GABBR2: variants seen among roughly 807,000 people sequenced by gnomAD.
The protein encoded by GABBR2 is G-protein coupled receptor 51.
Under a neutral mutation model 105.6 loss-of-function variants are expected in GABBR2, and 23 were observed. The ratio of observed to expected loss-of-function variants is 0.22; its 90% confidence interval spans 0.16 to 0.31. The LOEUF is 0.31. Ranked by LOEUF, GABBR2 falls within the 10% of genes least tolerant of loss-of-function variation. The pLI is 1.00. For missense variants in GABBR2, 734 were observed against 1,245.5 expected, an observed-to-expected ratio of 0.59 and a Z score of 6.18; for synonymous variants, 478 against 499.7, an observed-to-expected ratio of 0.96 and a Z score of 0.58.
chr9:98,571,956 C>T (rs1372135656), intron 2 of GABBR2, among the ~76,000 whole-genome samples: 1 of 152,208 alleles, frequency 6.6e-6, no homozygotes, highest in South Asian at 2.1e-4. Context: ...CCTCCCTCCT[C>T]CCCAGTGCCC....
chr9:98,560,380 C>A (rs527886978), intron 2 of GABBR2, among the ~76,000 whole-genome samples: 1 of 151,308 alleles, frequency 6.6e-6, no homozygotes, highest in East Asian at 2.0e-4. Context: ...ACCCAGCACA[C>A]GTGCGTGTGC....
intron 7 of GABBR2, among the ~76,000 whole-genome samples, chr9:98,415,533 G>C (rs79497779): frequency 0.032 from 4,920 of 152,254 alleles, 98 homozygotes; most frequent in Middle Eastern, 0.11. Context: ...GGGAAGCTGG[G>C]GCAAGCGCCT....
In GABBR2 at chr9:98,630,123, C is replaced by T. The variant is rs184955973; in HGVS notation, c.322-52051G>A. ...ATGAATTTCTGTATGGTTTATGTCA[C>T]TCTGCATGGCTCTTCTATTACTGAC... On this transcript the variant is annotated intron_variant, in intron 1 of 18. Transcript: ENST00000259455. Among the ~76,000 whole-genome samples, 6 of 152,250 alleles carry T rather than the reference C, an allele frequency of 3.9e-5. No homozygotes were observed. In the East Asian group the frequency reaches 1.2e-3, roughly 29 times the overall value.
chr9:98,379,895 A>T (rs1182976821), intron 11 of GABBR2, among the ~76,000 whole-genome samples: 1 of 152,244 alleles, frequency 6.6e-6, no homozygotes, highest in East Asian at 1.9e-4. Context: ...ATCTTAATTT[A>T]AAAAAATCTG....
At chr9:98,336,771 G>A (rs942298020) in intron 13 of GABBR2, among the ~76,000 whole-genome samples, 5 of 151,876 alleles carry the variant, frequency 3.3e-5, no homozygotes, top group Non-Finnish European at 4.4e-5. Flanking sequence ...ACATAAAATG[G>A]ATTAAACACT....
chr9:98,698,012 A>G (rs763721865), intron 1 of GABBR2, among the ~76,000 whole-genome samples: 3 of 152,266 alleles, frequency 2.0e-5, no homozygotes, highest in African/African-American at 7.2e-5. Flanking sequence ...GATGATTATT[A>G]TAAGTATGGC....
chr9:98,418,574 A>C (rs77685167), intron 7 of GABBR2, among the ~76,000 whole-genome samples: 1 of 152,132 alleles, frequency 6.6e-6, no homozygotes, highest in African/African-American at 2.4e-5. Context: ...AAAAATCCAA[A>C]AAACAAAAAA....
chr9:98,369,148 C>T (rs1354653918), intron 12 of GABBR2, among the ~76,000 whole-genome samples: 1 of 152,210 alleles, frequency 6.6e-6, no homozygotes. Context: ...CTGAGGAACA[C>T]TGGGGTGGCC....
chr9:98,396,530 G>A (rs977624261), intron 8 of GABBR2, among the ~76,000 whole-genome samples: 1 of 152,138 alleles, frequency 6.6e-6, no homozygotes, highest in Non-Finnish European at 1.5e-5. Context: ...GCCATTTAGG[G>A]GGCATCACAC....
In GABBR2 at chr9:98,708,034, C is replaced by T. The variant is rs536652446; in HGVS notation, c.321+383G>A. Among the ~76,000 whole-genome samples the T allele has an allele frequency of 3.3e-5, 5 of 152,354 alleles. No individual in the cohort carries two copies. In the South Asian group the frequency reaches 1.0e-3, roughly 32 times the overall value. On this transcript the variant is annotated intron_variant, in intron 1 of 18. Transcript: ENST00000259455. ...CAGTTTGCAGTCAATGCGCCTGTTCCTCCCACTCGGTACCTCGCAGCCCCA... is the reference window on the plus strand; with the variant it reads ...CAGTTTGCAGTCAATGCGCCTGTTCTTCCCACTCGGTACCTCGCAGCCCCA...
intron 1 of GABBR2, among the ~76,000 whole-genome samples, chr9:98,626,832 G>A (rs1829743710): frequency 1.3e-5 from 2 of 152,114 alleles, no homozygotes; most frequent in Admixed American, 6.5e-5. Context: ...GTCAGTCAAC[G>A]AGCACTAATT....
At chr9:98,701,569 A>G (rs1331243103) in intron 1 of GABBR2, among the ~76,000 whole-genome samples, 1 of 151,994 alleles carries the variant, frequency 6.6e-6, no homozygotes, top group Non-Finnish European at 1.5e-5. Context: ...GAATCGATGC[A>G]CCTCCAGTTC....
chr9:98,368,583 A>G (rs543186509), intron 12 of GABBR2, among the ~76,000 whole-genome samples: 2 of 152,286 alleles, frequency 1.3e-5, no homozygotes, highest in African/African-American at 4.8e-5. Context: ...CGTTTTCCCA[A>G]TATGTTTTGT....
chr9:98,314,526 T>C (rs1372727654), intron 13 of GABBR2, among the ~76,000 whole-genome samples: 1 of 152,166 alleles, frequency 6.6e-6, no homozygotes, highest in African/African-American at 2.4e-5. Flanking sequence ...CATTGCTCAA[T>C]GGGATGAAGT....
chr9:98,448,912 AAG>A (rs1451102150), intron 7 of GABBR2, among the ~76,000 whole-genome samples: 1 of 124,012 alleles, frequency 8.1e-6, no homozygotes, highest in East Asian at 4.7e-4. Flanking sequence ...GGAAACTGGA[AAG>A]AGTTTAAAAA....
chr9:98,503,799 G>T (rs146956497), intron 3 of GABBR2, among the ~76,000 whole-genome samples: 3 of 152,104 alleles, frequency 2.0e-5, no homozygotes, highest in African/African-American at 7.2e-5. Flanking sequence ...TGGGGCTGCC[G>T]TCACCTAAAG....
At chr9:98,692,280 A>T (rs907884167) in intron 1 of GABBR2, among the ~76,000 whole-genome samples, 2 of 152,098 alleles carry the variant, frequency 1.3e-5, no homozygotes, top group Non-Finnish European at 2.9e-5. Context: ...TCCTGAATGG[A>T]ACTCAGTGTC....
At chr9:98,534,584 A>T (rs1317543981) in intron 3 of GABBR2, among the ~76,000 whole-genome samples, 1 of 152,214 alleles carries the variant, frequency 6.6e-6, no homozygotes. Context: ...TATTATCCTC[A>T]TGCTCAAGAT....
intron 1 of GABBR2, among the ~76,000 whole-genome samples, chr9:98,602,009 T>C (rs780942839): frequency 2.0e-5 from 3 of 152,152 alleles, no homozygotes; most frequent in Non-Finnish European, 2.9e-5. Flanking sequence ...TTTTTCATTG[T>C]TATTTTTTTG....
Sources: allele counts gnomAD v4.1 joint callset (sites outside exome capture counted in the v4.1 genomes callset), GRCh38; gene constraint gnomAD v4.1.1; transcripts MANE v1.5; gene names NCBI Gene and HGNC (gene_info 2026-07-23, HGNC 2026-07-21).